RYR3: variants seen among roughly 807,000 people sequenced by gnomAD.
The protein encoded by RYR3 is ryanodine receptor 3.
A neutral mutation model predicts 584.3 loss-of-function variants in RYR3; 207 were observed. That is an observed-to-expected ratio of 0.35 (90% confidence interval 0.32 to 0.40). The LOEUF is 0.40. Among genes scored for constraint, RYR3 ranks in the 10% least tolerant of loss-of-function variants. The pLI, the probability that RYR3 is intolerant of heterozygous loss-of-function variation, is 1.00. For synonymous variants in RYR3, 2,416 were observed against 2,248.5 expected (o/e 1.07, Z -2.11); for missense variants, 5,616 against 6,089.2 (o/e 0.92, Z 2.59).
intron 1 of RYR3, among the ~76,000 whole-genome samples, chr15:33,331,047 G>GT (rs1970322953): frequency 4.0e-5 from 6 of 151,314 alleles, no homozygotes; most frequent in Non-Finnish European, 5.9e-5. Flanking sequence ...TGTTTGTTTG[G>GT]TTGGTTGGTT....
rs71117149 is a variant in RYR3 at position 33,572,638 on chromosome 15, T to TAAA, written c.1268+5849_1268+5851dup. ...CTGTTCTTCCTAAGGCTCATTAAAT[T>TAAA]AAAAAAAAAAAACTATATATACACA... On this transcript the variant is annotated intron_variant, in intron 12 of 103. Coordinates refer to ENST00000634891, the MANE Select transcript of RYR3 (RefSeq NM_001036.6). Among the ~76,000 whole-genome samples, 223 of 101,576 alleles carry TAAA rather than the reference T, an allele frequency of 2.2e-3. 1 individual carries two copies. The highest frequency in any genetic ancestry group is 4.8e-3 in the African/African-American group (113 of 23,758). 66.6% of individuals were successfully genotyped at this position (101,576 alleles called of 152,430 possible). A position where few individuals can be genotyped will look rare whatever the true frequency, so the allele number is the denominator to read the frequency against.
intron 60 of RYR3, 154 bp downstream of exon 60, chr15:33,757,750 A>G (rs2152861876): frequency 2.6e-6 from 2 of 775,974 alleles, no homozygotes; most frequent in South Asian, 1.8e-5. Context: ...ATATTCATAC[A>G]TATCTGAATT....
At chr15:33,431,609 T>C (rs977162274) in intron 1 of RYR3, among the ~76,000 whole-genome samples, 1 of 151,442 alleles carries the variant, frequency 6.6e-6, no homozygotes, top group Non-Finnish European at 1.5e-5. Flanking sequence ...AAAAAAAATA[T>C]GAAAAATTTA....
intron 1 of RYR3, among the ~76,000 whole-genome samples, chr15:33,389,789 T>C (rs1265133025): frequency 6.6e-6 from 1 of 152,178 alleles, no homozygotes; most frequent in Non-Finnish European, 1.5e-5. Context: ...TTGCAAACTT[T>C]TATTTAATAT....
At chr15:33,330,157 G>A (rs925367008) in intron 1 of RYR3, among the ~76,000 whole-genome samples, 3 of 152,268 alleles carry the variant, frequency 2.0e-5, no homozygotes, top group Non-Finnish European at 4.4e-5. Context: ...TTAGCTCAAA[G>A]TGGCGGTGCT....
intron 4 of RYR3, 40 bp from the exon 5 acceptor site, chr15:33,533,271 G>A: frequency 7.2e-7 from 1 of 1,390,816 alleles, no homozygotes; most frequent in Non-Finnish European, 1.0e-6. Flanking sequence ...AGACTCAATG[G>A]AAGAGTGTGA....
intron 12 of RYR3, 40 bp from the exon 13 acceptor site, chr15:33,579,936 C>G (rs1298228407): frequency 1.3e-6 from 2 of 1,536,464 alleles, no homozygotes; most frequent in Non-Finnish European, 1.8e-6. Context: ...GGCCCTGCTG[C>G]TGGCCAGTGC....
At chr15:33,555,536 C>G (rs1691473422) in intron 10 of RYR3, among the ~76,000 whole-genome samples, 1 of 152,090 alleles carries the variant, frequency 6.6e-6, no homozygotes, top group Non-Finnish European at 1.5e-5. Context: ...TCAAGGAAAA[C>G]CTTGGGCTTC....
intron 69 of RYR3, among the ~76,000 whole-genome samples, chr15:33,802,704 C>T (rs1270214570): frequency 6.6e-6 from 1 of 152,208 alleles, no homozygotes; most frequent in African/African-American, 2.4e-5. Context: ...GCAAAGCCTA[C>T]TTAAATGTGA....
intron 16 of RYR3, among the ~76,000 whole-genome samples, chr15:33,599,218 T>C (rs1222056550): frequency 6.6e-6 from 1 of 152,252 alleles, no homozygotes; most frequent in East Asian, 1.9e-4. Context: ...GATAGGAGAT[T>C]TGTCAAAGGT....
At chr15:33,648,588 T>C (rs982651006) in intron 30 of RYR3, among the ~76,000 whole-genome samples, 2 of 152,154 alleles carry the variant, frequency 1.3e-5, no homozygotes, top group African/African-American at 2.4e-5. Flanking sequence ...TTCAAGACTT[T>C]CCAGAAAAAA....
rs145286966 is a variant in RYR3, at chr15:33,744,614, G to T, written c.7900-1454G>T. Reference sequence around the variant, plus strand: ...ACCGGGGGTCCAGGGACACCTCCCAGAGTTGGTGACATCTACAGCATTTGC... The same window carrying T: ...ACCGGGGGTCCAGGGACACCTCCCATAGTTGGTGACATCTACAGCATTTGC... On this transcript the variant is annotated intron_variant, in intron 52 of 103. Transcript: ENST00000634891. Among the ~76,000 whole-genome samples, 4 of 152,316 alleles carry T rather than the reference G, an allele frequency of 2.6e-5. No individual in the cohort carries two copies. In the East Asian group the frequency reaches 7.7e-4, roughly 29 times the overall value.
chr15:33,540,453 TGCCTAG>T (rs2141145121), intron 6 of RYR3, among the ~76,000 whole-genome samples: 1 of 152,256 alleles, frequency 6.6e-6, no homozygotes, highest in South Asian at 2.1e-4. Flanking sequence ...GATTTTACTT[TGCCTAG>T]GCCAAGTGTT....
chr15:33,638,865 G>T (rs1680405235), intron 27 of RYR3, among the ~76,000 whole-genome samples: 1 of 52,892 alleles, frequency 1.9e-5, no homozygotes, highest in South Asian at 4.4e-4. Context: ...GAGAAGGCTA[G>T]TCCTGACAGG....
At chr15:33,314,067 A>G (rs912427607) in intron 1 of RYR3, among the ~76,000 whole-genome samples, 1 of 152,320 alleles carries the variant, frequency 6.6e-6, no homozygotes, top group East Asian at 1.9e-4. Context: ...TCTCCTAAGT[A>G]GGGAACAAGA....
At chr15:33,487,329 A>G (rs2050532930) in intron 2 of RYR3, among the ~76,000 whole-genome samples, 1 of 152,160 alleles carries the variant, frequency 6.6e-6, no homozygotes, top group Non-Finnish European at 1.5e-5. Flanking sequence ...AAATGAAAAT[A>G]CAGAAGAGGA....
At position 33,837,771 on chromosome 15, in the gene RYR3, T is replaced by C. The variant is rs1050469624; in HGVS notation, c.11791T>C (p.Tyr3931His). The C allele has an allele frequency of 1.2e-6, 2 of 1,613,804 alleles. No homozygotes were observed. The highest frequency in any genetic ancestry group is 1.7e-5 in the Admixed American group (1 of 59,996). ...AACCAGCTCAGACACCTTCAAAGAA[T>C]ATGACCCAGATGGTAAAGGAATTAT... ...DLTSSDTFKE[Y>H]DPDGKGIISK... The change falls in exon 89 of 104, where the codon TAT becomes CAT. Residue 3931 changes from tyrosine to histidine, a missense_variant. By Grantham distance (83) the Tyr-to-His change is moderately conservative. Coordinates refer to ENST00000634891, the MANE Select transcript of RYR3 (RefSeq NM_001036.6).
At chr15:33,382,603 T>C (rs1265552208) in intron 1 of RYR3, among the ~76,000 whole-genome samples, 1 of 152,162 alleles carries the variant, frequency 6.6e-6, no homozygotes, top group Non-Finnish European at 1.5e-5. Flanking sequence ...ATTACAGACA[T>C]GAGCCACCGT....
intron 47 of RYR3, 40 bp from the exon 48 acceptor site, chr15:33,731,434 C>A (rs1343005879): frequency 6.8e-7 from 1 of 1,469,932 alleles, no homozygotes; most frequent in Admixed American, 1.9e-5. Context: ...TGCTCTGTTC[C>A]TCAGGGCAAT....
Sources: allele counts gnomAD v4.1 joint callset (sites outside exome capture counted in the v4.1 genomes callset), GRCh38; gene constraint gnomAD v4.1.1; transcripts MANE v1.5; gene names NCBI Gene and HGNC (gene_info 2026-07-23, HGNC 2026-07-21).